HERC3: variants seen among roughly 807,000 people sequenced by gnomAD.
HERC3 encodes the protein HECT and RLD domain containing E3 ubiquitin protein ligase 3.
In HERC3, 58 loss-of-function variants were observed where a neutral mutation model predicts 129.9. The observed-to-expected ratio is 0.45, with a 90% confidence interval of 0.36 to 0.56. The LOEUF (loss-of-function observed/expected upper bound fraction) is 0.56, where lower values mean the gene tolerates loss of function less well. HERC3 is among the 20% of genes least tolerant of loss of function. The pLI, the probability that HERC3 is intolerant of heterozygous loss-of-function variation, is 0.00. For synonymous variants in HERC3, 430 were observed against 451.0 expected, an observed-to-expected ratio of 0.95 and a Z score of 0.59; for missense variants, 835 against 1,244.2, an observed-to-expected ratio of 0.67 and a Z score of 4.95.
At chr4:88,677,447 T>A (rs1053894794) in intron 18 of HERC3, among the ~76,000 whole-genome samples, 1 of 152,084 alleles carries the variant, frequency 6.6e-6, no homozygotes, top group African/African-American at 2.4e-5. Context: ...TCTTTCCCTC[T>A]CCATCTCTCT....
chr4:88,690,487 A>G (rs1733963953), intron 23 of HERC3: 1 of 985,440 alleles, frequency 1.0e-6, no homozygotes, highest in Admixed American at 6.1e-5. Context: ...TGTGTGCATC[A>G]TTTGTTAGAA....
intron 3 of HERC3, among the ~76,000 whole-genome samples, chr4:88,642,181 C>A (rs1728187477): frequency 6.7e-6 from 1 of 148,610 alleles, no homozygotes; most frequent in South Asian, 2.1e-4. Context: ...GACCTCCAGA[C>A]TCACGTGGTT....
chr4:88,608,063 C>A (rs1173063433), intron 3 of HERC3, among the ~76,000 whole-genome samples: 1 of 152,158 alleles, frequency 6.6e-6, no homozygotes, highest in African/African-American at 2.4e-5. Flanking sequence ...GGCATCAATA[C>A]GAATTAAATT....
In HERC3 at chr4:88,605,831, G is replaced by A; in HGVS notation, c.8G>A (p.Cys3Tyr). 1.2e-6 allele frequency: 2 copies of A among 1,613,392 alleles called. No individual in the cohort carries two copies. Among genetic ancestry groups the A allele is most frequent in the Non-Finnish European group, 1.7e-6 (2 of 1,179,310 alleles). ...CCCTGAAAGATAAGAACAATGTTAT[G>A]TTGGGGATATTGGTCTCTGGGCCAA... Reference protein sequence around the residue: MLCWGYWSLGQPG... With the variant: MLYWGYWSLGQPG... Residue 3 changes from cysteine to tyrosine, a missense_variant, in exon 3 of 26, where the codon TGT becomes TAT. Transcript: ENST00000402738.
chr4:88,614,186 T>G (rs1469468025), intron 3 of HERC3, among the ~76,000 whole-genome samples: 3 of 152,214 alleles, frequency 2.0e-5, no homozygotes, highest in Non-Finnish European at 4.4e-5. Flanking sequence ...TAAGCTCTCT[T>G]TATTTCTGAT....
At chr4:88,579,076 T>C in the HERC3 span, among the ~76,000 whole-genome samples, 1 of 151,992 alleles carries the variant, frequency 6.6e-6, no homozygotes. Context: ...TGTGGGACAG[T>C]GTGGAGATTA....
intron 3 of HERC3, among the ~76,000 whole-genome samples, chr4:88,636,772 C>T (rs950943540): frequency 1.3e-5 from 2 of 152,184 alleles, no homozygotes; most frequent in Non-Finnish European, 2.9e-5. Context: ...TGCAAAATAA[C>T]TGAAACTGTA....
intron 2 of HERC3, among the ~76,000 whole-genome samples, chr4:88,605,507 T>C (rs1176126769): frequency 6.6e-6 from 1 of 152,266 alleles, no homozygotes; most frequent in Non-Finnish European, 1.5e-5. Context: ...TCTCCTGTAC[T>C]CAGTATCCTT....
At chr4:88,705,646 CA>C (rs1236550897) in intron 25 of HERC3, among the ~76,000 whole-genome samples, 1 of 152,176 alleles carries the variant, frequency 6.6e-6, no homozygotes, top group Non-Finnish European at 1.5e-5. Context: ...TTTACATGAA[CA>C]AATTCAGCCT....
chr4:88,642,024 G>A (rs950684786), intron 3 of HERC3, among the ~76,000 whole-genome samples: 1 of 151,380 alleles, frequency 6.6e-6, no homozygotes, highest in African/African-American at 2.4e-5. Context: ...TCTGCTACTC[G>A]GGAGGCTGAG....
intron 3 of HERC3, among the ~76,000 whole-genome samples, chr4:88,631,403 T>C (rs1432777488): frequency 6.6e-6 from 1 of 152,156 alleles, no homozygotes; most frequent in East Asian, 1.9e-4. Flanking sequence ...TACAGTGAGC[T>C]GAGATTGTGC....
At position 88,662,779 on chromosome 4, in the gene HERC3, C is replaced by T. The variant is rs141048479; in HGVS notation, c.1271+224C>T. ...TTCTCACACACAGTATATGCCTCAA[C>T]CTGCCTTGTTTATTGTATGATCTTA... On this transcript the variant is annotated intron_variant, in intron 11 of 25. Transcript: ENST00000402738. Among the ~76,000 whole-genome samples, 52 of 152,200 alleles carry T rather than the reference C, an allele frequency of 3.4e-4. No individual in the cohort carries two copies. The South Asian group carries it at 9.4e-3, about 27-fold the overall frequency.
chr4:88,706,761 C>G lies in HERC3; in HGVS notation c.2954C>G (p.Thr985Arg), dbSNP rs1237612107. ...EKKKKFLLFL[T>R]GSDRIPIYGM... Reference sequence around the variant, plus strand: ...TTCTCGTTCTCCCCAGTGTTCCTGACAGGCAGCGATCGGATTCCCATCTAC... The same window carrying G: ...TTCTCGTTCTCCCCAGTGTTCCTGAGAGGCAGCGATCGGATTCCCATCTAC... Residue 985 changes from threonine to arginine, a missense_variant, in exon 26 of 26, where the codon ACA (threonine) becomes AGA (arginine). Thr to Arg is a moderately conservative substitution (Grantham distance 71). Coordinates refer to ENST00000402738, the MANE Select transcript of HERC3 (RefSeq NM_014606.3). 8 of 1,613,978 alleles carry G rather than the reference C, an allele frequency of 5.0e-6. No homozygotes were observed. The highest frequency in any genetic ancestry group is 6.8e-6 in the Non-Finnish European group (8 of 1,179,972).
chr4:88,680,028 G>T, intron 19 of HERC3, 65 bp from the exon 20 acceptor site: 1 of 1,443,308 alleles, frequency 6.9e-7, no homozygotes, highest in Non-Finnish European at 9.5e-7. Context: ...AAAATGGTCT[G>T]CTAAAAAGAG....
chr4:88,662,290 G>C (rs1730571867), intron 10 of HERC3, 141 bp from the exon 11 acceptor site: 1 of 756,322 alleles, frequency 1.3e-6, no homozygotes. Context: ...CCATTCTGAA[G>C]GGTGGAGGGG....
intron 23 of HERC3, among the ~76,000 whole-genome samples, chr4:88,700,257 C>T (rs887619992): frequency 2.0e-5 from 3 of 152,006 alleles, no homozygotes; most frequent in African/African-American, 7.3e-5. Context: ...GATCATTCAT[C>T]TACAGGTTTC....
At position 88,596,701 on chromosome 4, in the gene HERC3, A is replaced by G. The variant is rs567936072; in HGVS notation, c.-30+1087A>G. ...GTAAGCATAAAATAATGCATGTCATATATGTTAAGAAACAACAATAAAAGG... is the reference window on the plus strand; with the variant it reads ...GTAAGCATAAAATAATGCATGTCATGTATGTTAAGAAACAACAATAAAAGG... On this transcript the variant is annotated intron_variant, in intron 2 of 25. Transcript: ENST00000402738. 3.9e-5 allele frequency among the ~76,000 whole-genome samples: 6 copies of G among 152,378 alleles called. No individual in the cohort carries two copies. In the East Asian group the frequency reaches 9.6e-4, roughly 24 times the overall value.
chr4:88,589,087 C>CGT, upstream of HERC3, among the ~76,000 whole-genome samples: 1 of 151,840 alleles, frequency 6.6e-6, no homozygotes, highest in Admixed American at 6.6e-5. Flanking sequence ...TATGTGCACG[C>CGT]GTGTGTGCGT....
At chr4:88,695,994 C>T (rs1426791832) in intron 23 of HERC3, 1 of 152,572 alleles carries the variant, frequency 6.6e-6, no homozygotes, top group Non-Finnish European at 1.5e-5. Context: ...ATCACTGGCT[C>T]ACACATAATT....
Sources: gnomAD v4.1 joint callset for allele counts (sites outside exome capture counted in the v4.1 genomes callset) on GRCh38, gnomAD v4.1.1 for gene constraint, MANE v1.5 for transcripts, NCBI Gene and HGNC (gene_info 2026-07-23, HGNC 2026-07-21) for gene names.